OSBPL10: variants seen among roughly 807,000 people sequenced by gnomAD.
The protein encoded by OSBPL10 is oxysterol binding protein like 10.
In OSBPL10, 49 loss-of-function variants were observed where a neutral mutation model predicts 81.7. The observed-to-expected ratio is 0.60, with a 90% CI of 0.48 to 0.76. The LOEUF (loss-of-function observed/expected upper bound fraction) is 0.76. OSBPL10 is among the 30% of genes least tolerant of loss of function. OSBPL10 has a pLI of 0.00. For missense variants in OSBPL10, 923 were observed against 987.8 expected, an observed-to-expected ratio of 0.93 and a Z score of 0.88; for synonymous variants, 419 against 383.6, an observed-to-expected ratio of 1.09 and a Z score of -1.08.
intron 4 of OSBPL10, among the ~76,000 whole-genome samples, chr3:31,827,933 C>T (rs1016437574): frequency 1.3e-5 from 2 of 152,058 alleles, no homozygotes; most frequent in Admixed American, 6.5e-5. Context: ...TTGAATCAAA[C>T]GCTACTAATT....
In OSBPL10 at chr3:31,912,363, C is replaced by G. The variant is rs937628760; in HGVS notation, c.282-32533G>C. On this transcript the variant is annotated intron_variant, in intron 1 of 11. Coordinates refer to ENST00000396556, the MANE Select transcript of OSBPL10 (RefSeq NM_017784.5). Reference sequence around the variant, plus strand: ...GAGCCGAGATTTGCGCCACTGCACTCCAGCCTGGGCGACAGGGCGAGACTC... The same window carrying G: ...GAGCCGAGATTTGCGCCACTGCACTGCAGCCTGGGCGACAGGGCGAGACTC... Among the ~76,000 whole-genome samples, 3 of 149,716 alleles carry G rather than the reference C, an allele frequency of 2.0e-5. No homozygotes were observed. In the East Asian group the frequency reaches 6.0e-4, roughly 30 times the overall value.
chr3:31,758,125 C>T (rs1228521286), intron 4 of OSBPL10, among the ~76,000 whole-genome samples: 1 of 152,146 alleles, frequency 6.6e-6, no homozygotes, highest in African/African-American at 2.4e-5. Flanking sequence ...CCAAAATCTG[C>T]CTTCCCCTCA....
intron 4 of OSBPL10, among the ~76,000 whole-genome samples, chr3:31,780,200 G>A (rs1698654042): frequency 6.6e-6 from 1 of 152,156 alleles, no homozygotes; most frequent in Non-Finnish European, 1.5e-5. Flanking sequence ...GGCTGAGGCA[G>A]GAGAATGGCA....
intron 4 of OSBPL10, among the ~76,000 whole-genome samples, chr3:31,798,947 C>T (rs1024036069): frequency 2.6e-5 from 4 of 152,134 alleles, no homozygotes; most frequent in African/African-American, 9.7e-5. Context: ...GGTTTGAACT[C>T]CTATGAGAAT....
At chr3:31,675,937 C>G (rs1354783300) in intron 8 of OSBPL10, among the ~76,000 whole-genome samples, 1 of 135,022 alleles carries the variant, frequency 7.4e-6, no homozygotes, top group Admixed American at 7.3e-5. Flanking sequence ...CAGAGCGAGA[C>G]TCCATCTCAA....
In OSBPL10 at chr3:31,851,798, GA is replaced by G. The variant is rs555870069; in HGVS notation, c.538-21568del. Among the ~76,000 whole-genome samples the G allele has an allele frequency of 2.0e-5, 3 of 152,190 alleles. No individual in the cohort carries two copies. In the South Asian group the frequency reaches 6.2e-4, roughly 32 times the overall value. On this transcript the variant is annotated intron_variant, in intron 3 of 11. Transcript: ENST00000396556. The stretch of plus-strand genomic sequence containing the variant: ...TCAGAACCCCCTCCATCCCGTGACT[GA>G]GTCCGGTGATCCCTGGAACCAGGCA...
chr3:31,901,827 CA>C (rs1484259563), intron 1 of OSBPL10, among the ~76,000 whole-genome samples: 1 of 152,134 alleles, frequency 6.6e-6, no homozygotes, highest in Non-Finnish European at 1.5e-5. Context: ...TGCCTGAGCT[CA>C]GGAGTTCAAG....
intron 2 of OSBPL10, among the ~76,000 whole-genome samples, chr3:32,043,003 G>T (rs530296097): frequency 6.6e-6 from 1 of 152,064 alleles, no homozygotes; most frequent in Non-Finnish European, 1.5e-5. Flanking sequence ...CAGAAAACAG[G>T]GTTCGAGAGC....
chr3:31,899,825 A>AT lies in OSBPL10; in HGVS notation c.282-19996dup, dbSNP rs1235523313. Among the ~76,000 whole-genome samples the AT allele has an allele frequency of 2.6e-5, 4 of 152,062 alleles. No individual in the cohort carries two copies. In the East Asian group the frequency reaches 5.8e-4, roughly 22 times the overall value. The stretch of plus-strand genomic sequence containing the variant: ...GTGAGACCCCACCTCTACAAAAAAA[A>AT]TTTTTTTAATTAGCTGAGTATGATG... On this transcript the variant is annotated intron_variant, in intron 1 of 11. Coordinates refer to ENST00000396556, the MANE Select transcript of OSBPL10 (RefSeq NM_017784.5).
intron 4 of OSBPL10, among the ~76,000 whole-genome samples, chr3:31,772,641 G>T (rs1443711794): frequency 6.6e-6 from 1 of 152,072 alleles, no homozygotes; most frequent in Non-Finnish European, 1.5e-5. Flanking sequence ...CTATCCTCTG[G>T]TCATCTCCGC....
At chr3:31,725,534 G>A (rs764655791) in intron 6 of OSBPL10, among the ~76,000 whole-genome samples, 42 of 152,110 alleles carry the variant, frequency 2.8e-4, no homozygotes, top group Non-Finnish European at 1.0e-4. Flanking sequence ...ATCCCATGAT[G>A]AGAGACCCTC....
intron 2 of OSBPL10, among the ~76,000 whole-genome samples, chr3:32,025,430 G>T (rs1699394542): frequency 6.6e-6 from 1 of 151,966 alleles, no homozygotes; most frequent in Non-Finnish European, 1.5e-5. Context: ...TAAGAATTTT[G>T]GGGCCTATGT....
At chr3:31,989,491 A>G in intron 2 of OSBPL10, 1 of 1,614,228 alleles carries the variant, frequency 6.2e-7, no homozygotes, top group Non-Finnish European at 8.5e-7. Context: ...GACTGGTAGC[A>G]CCGACAGATA....
At chr3:31,751,963 A>G (rs1183624988) in intron 4 of OSBPL10, among the ~76,000 whole-genome samples, 1 of 152,106 alleles carries the variant, frequency 6.6e-6, no homozygotes, top group Admixed American at 6.5e-5. Context: ...ACTGATGAAG[A>G]CTCTTCATCA....
At chr3:31,817,688 G>C (rs1390377670) in intron 4 of OSBPL10, among the ~76,000 whole-genome samples, 1 of 152,174 alleles carries the variant, frequency 6.6e-6, no homozygotes, top group African/African-American at 2.4e-5. Flanking sequence ...CTGCCTGCTT[G>C]ATAGAGCAGG....
intron 7 of OSBPL10, chr3:31,700,550 A>C (rs1412612455): frequency 6.6e-6 from 1 of 152,194 alleles, no homozygotes; most frequent in South Asian, 2.1e-4. Flanking sequence ...CAAAAGAACT[A>C]GGTTTCATGT....
At chr3:31,964,424 T>C (rs1275130026) in intron 1 of OSBPL10, among the ~76,000 whole-genome samples, 4 of 152,092 alleles carry the variant, frequency 2.6e-5, no homozygotes, top group African/African-American at 9.7e-5. Context: ...CCCATAGTGA[T>C]GGGATTACAG....
At chr3:31,902,258 ATTTT>A (rs574112153) in intron 1 of OSBPL10, among the ~76,000 whole-genome samples, 90 of 117,940 alleles carry the variant, frequency 7.6e-4, no homozygotes, top group Admixed American at 8.4e-4. Flanking sequence ...TCTTGTCAGT[ATTTT>A]TTTTTTTTTT....
Position 31,684,210 on chromosome 3 carries a change from A to C in OSBPL10, c.1246-96T>G. The C allele has an allele frequency of 4.7e-6, 7 of 1,482,364 alleles. No individual in the cohort carries two copies. The South Asian group carries it at 9.2e-5, about 19-fold the overall frequency. The allele number at this position is 1,482,364 out of a possible 1,614,324, so 91.8% of individuals were successfully genotyped here. On this transcript the variant is annotated intron_variant, in intron 7 of 11. Coordinates refer to ENST00000396556, the MANE Select transcript of OSBPL10 (RefSeq NM_017784.5). Reference sequence around the variant, plus strand: ...GCTGCAACCACTGTTAAGCAAATTCATAACATCTCCAGCCAGGGAGCAGTC... The same window carrying C: ...GCTGCAACCACTGTTAAGCAAATTCCTAACATCTCCAGCCAGGGAGCAGTC...
Sources: gnomAD v4.1 joint callset for allele counts (sites outside exome capture counted in the v4.1 genomes callset) on GRCh38, gnomAD v4.1.1 for gene constraint, MANE v1.5 for transcripts, NCBI Gene and HGNC (gene_info 2026-07-23, HGNC 2026-07-21) for gene names.